CALCR: variants seen among roughly 807,000 people sequenced by gnomAD.
CALCR encodes the protein calcitonin receptor.
Under a neutral mutation model 59.5 loss-of-function variants are expected in CALCR, and 47 were observed. The ratio of observed to expected loss-of-function variants is 0.79; its 90% CI spans 0.63 to 1.01. The LOEUF (loss-of-function observed/expected upper bound fraction) is 1.01, where lower values mean the gene tolerates loss of function less well. Ranked by LOEUF, CALCR falls within the 50% of genes least tolerant of loss-of-function variation. CALCR has a pLI of 0.00. For synonymous variants in CALCR, 213 were observed against 211.3 expected (o/e 1.01, Z -0.07); for missense variants, 566 against 597.1 (o/e 0.95, Z 0.54).
At chr7:93,452,160 C>A (rs1173520957) in intron 8 of CALCR, among the ~76,000 whole-genome samples, 1 of 152,006 alleles carries the variant, frequency 6.6e-6, no homozygotes, top group East Asian at 1.9e-4. Flanking sequence ...GATTCTGCAT[C>A]TCTAACCGAA....
intron 2 of CALCR, among the ~76,000 whole-genome samples, chr7:93,497,574 C>T (rs1562997282): frequency 6.6e-6 from 1 of 151,582 alleles, no homozygotes; most frequent in Non-Finnish European, 1.5e-5. Context: ...GACTCCTAGT[C>T]CTGTGCCCTC....
intron 2 of CALCR, among the ~76,000 whole-genome samples, chr7:93,510,038 G>A (rs1318413881): frequency 6.8e-6 from 1 of 146,730 alleles, no homozygotes; most frequent in African/African-American, 2.5e-5. Context: ...TCTTTATAAA[G>A]AATAAACGAC....
At chr7:93,526,062 C>T (rs181914390) in intron 2 of CALCR, among the ~76,000 whole-genome samples, 1 of 152,276 alleles carries the variant, frequency 6.6e-6, no homozygotes, top group African/African-American at 2.4e-5. Flanking sequence ...TATTGCAAGA[C>T]TTCTCAATAA....
At chr7:93,510,069 A>AT (rs934649106) in intron 2 of CALCR, among the ~76,000 whole-genome samples, 2 of 151,858 alleles carry the variant, frequency 1.3e-5, no homozygotes, top group Admixed American at 1.3e-4. Context: ...GACTTTTGAG[A>AT]TTTTTTTTCT....
chr7:93,491,601 T>C (rs928485183), intron 2 of CALCR, among the ~76,000 whole-genome samples: 13 of 151,104 alleles, frequency 8.6e-5, no homozygotes, highest in African/African-American at 2.7e-4. Context: ...GAAAAGGATA[T>C]GGACACTTCT....
At chr7:93,523,742 T>A (rs901241161) in intron 2 of CALCR, among the ~76,000 whole-genome samples, 3 of 152,152 alleles carry the variant, frequency 2.0e-5, no homozygotes, top group African/African-American at 7.2e-5. Context: ...TCTATTTTTA[T>A]AAGTATAAAC....
chr7:93,426,730 C>T (rs943714641), intron 13 of CALCR, 141 bp from the exon 14 acceptor site: 9 of 523,118 alleles, frequency 1.7e-5, no homozygotes, highest in Non-Finnish European at 2.7e-5. Context: ...GCTGTGTATG[C>T]TGTGGCCACA....
chr7:93,481,483 C>T (rs2115900018), intron 3 of CALCR, among the ~76,000 whole-genome samples: 1 of 151,752 alleles, frequency 6.6e-6, no homozygotes, highest in Admixed American at 6.6e-5. Context: ...TCAAATAGCC[C>T]AGATAATTAG....
intron 7 of CALCR, chr7:93,462,136 T>C (rs1352271153): frequency 1.5e-6 from 2 of 1,319,482 alleles, no homozygotes; most frequent in Non-Finnish European, 2.1e-6. Context: ...ATTTAAGTAA[T>C]AAAGGCAGCT....
intron 5 of CALCR, among the ~76,000 whole-genome samples, 185 bp downstream of exon 5, chr7:93,477,372 TA>T (rs1330625435): frequency 6.6e-6 from 1 of 151,376 alleles, no homozygotes; most frequent in African/African-American, 2.4e-5. Flanking sequence ...CAACATGACT[TA>T]AAAAAAAGGA....
intron 2 of CALCR, among the ~76,000 whole-genome samples, chr7:93,496,165 C>T (rs1339803656): frequency 1.3e-5 from 2 of 151,314 alleles, no homozygotes; most frequent in African/African-American, 4.8e-5. Flanking sequence ...AAAGCATGTT[C>T]CATAGAAGAG....
intron 13 of CALCR, among the ~76,000 whole-genome samples, chr7:93,427,211 T>C (rs1431787677): frequency 6.6e-6 from 1 of 152,200 alleles, no homozygotes; most frequent in African/African-American, 2.4e-5. Flanking sequence ...ATAAATTATA[T>C]ATTGAAAACA....
At position 93,428,786 on chromosome 7, in the gene CALCR, CA is replaced by C. The variant is rs562182322; in HGVS notation, c.1192-2198del. On this transcript the variant is annotated intron_variant, in intron 13 of 13. Coordinates refer to ENST00000426151, the MANE Select transcript of CALCR (RefSeq NM_001742.4). Reference sequence around the variant, plus strand: ...TGGGGAACAGAGCGAGACTCCGTCTCAAAAAAAAAAAAAAAAAAAGGAAGCT... The same window carrying C: ...TGGGGAACAGAGCGAGACTCCGTCTCAAAAAAAAAAAAAAAAAAGGAAGCT... 9.5e-3 allele frequency among the ~76,000 whole-genome samples: 797 copies of C among 83,928 alleles called. 10 individuals carry two copies. The highest frequency in any genetic ancestry group is 0.078 in the South Asian group (232 of 2,982). 55.1% of individuals were successfully genotyped at this position (83,928 alleles called of 152,430 possible).
chr7:93,440,916 C>T (rs954279687), intron 9 of CALCR, among the ~76,000 whole-genome samples: 5 of 152,160 alleles, frequency 3.3e-5, no homozygotes, highest in South Asian at 2.1e-4. Flanking sequence ...TTGAATCATT[C>T]GAATTGTTGT....
intron 6 of CALCR, 53 bp downstream of exon 6, chr7:93,472,322 T>G: frequency 9.3e-7 from 1 of 1,069,956 alleles, no homozygotes; most frequent in Non-Finnish European, 1.4e-6. Flanking sequence ...GTCCATTTCC[T>G]TGTACAAATA....
intron 2 of CALCR, among the ~76,000 whole-genome samples, chr7:93,505,070 C>T (rs1460171182): frequency 2.0e-5 from 3 of 151,926 alleles, no homozygotes; most frequent in South Asian, 2.1e-4. Flanking sequence ...AGGAAGGTAC[C>T]GGTTCTGAGT....
chr7:93,499,477 C>CA (rs1801277001), intron 2 of CALCR, among the ~76,000 whole-genome samples: 1 of 151,784 alleles, frequency 6.6e-6, no homozygotes, highest in Non-Finnish European at 1.5e-5. Flanking sequence ...GTGCAATGGA[C>CA]ATTCAAGGAA....
chr7:93,574,173 G>C (rs760864096), intron 2 of CALCR, 116 bp downstream of exon 2: 12 of 152,334 alleles, frequency 7.9e-5, no homozygotes, highest in African/African-American at 2.9e-4. Context: ...CACAAGCACC[G>C]CAATCAAACC....
chr7:93,450,352 C>CT (rs1281000930), intron 8 of CALCR, among the ~76,000 whole-genome samples: 1 of 151,948 alleles, frequency 6.6e-6, no homozygotes, highest in Non-Finnish European at 1.5e-5. Flanking sequence ...GTTAGATCAT[C>CT]TTTTCATTCA....
Sources: allele counts gnomAD v4.1 joint callset (sites outside exome capture counted in the v4.1 genomes callset), GRCh38; gene constraint gnomAD v4.1.1; transcripts MANE v1.5; gene names NCBI Gene and HGNC (gene_info 2026-07-23, HGNC 2026-07-21).